PRPF8: variants seen among roughly 807,000 people sequenced by gnomAD.
PRPF8 encodes the protein pre-mRNA-processing-splicing factor 8.
PRPF8 carries 64 observed loss-of-function variants against 285.9 expected under a neutral mutation model. The ratio of observed to expected loss-of-function variants is 0.22; its 90% CI spans 0.18 to 0.28. The LOEUF is 0.28. Among genes scored for constraint, PRPF8 ranks in the 10% least tolerant of loss-of-function variants. PRPF8 has a pLI of 1.00. For synonymous variants in PRPF8, 1,325 were observed against 1,118.2 expected (o/e 1.18, Z -3.69); for missense variants, 1,426 against 3,026.7 (o/e 0.47, Z 12.41).
At position 1,662,013 on chromosome 17, in the gene PRPF8, G is replaced by A. The variant is rs543677212; in HGVS notation, c.3915C>T (p.Ser1305=). 73 of 1,614,032 alleles carry A rather than the reference G, an allele frequency of 4.5e-5. 1 individual carries two copies. In the South Asian group the frequency reaches 7.6e-4, roughly 17 times the overall value. ...IQTRIKIGLN[S]KMPSRFPPVV... is the part of the protein sequence containing the mutation. ...CCGGGGGGAACCGACTTGGCATCTTGGAGTTGAGTCCAATCTTGATACGTG... is the reference window on the plus strand; with the variant it reads ...CCGGGGGGAACCGACTTGGCATCTTAGAGTTGAGTCCAATCTTGATACGTG... The change falls in exon 25 of 43, where the codon TCC becomes TCT. Residue 1305 remains serine, a synonymous_variant. Coordinates refer to ENST00000304992, the MANE Select transcript of PRPF8 (RefSeq NM_006445.4).
At position 1,679,398 on chromosome 17, in the gene PRPF8, A is replaced by G. The variant is rs1912782331; in HGVS notation, c.1302T>C (p.His434=). ...IPLVKNWYRE[H]CPAGQPVKVR... ...CTTTCACAGGCTGCCCGGCAGGACA[A>G]TGCTCCCGATACCTGGAAAAATAAG... Residue 434 remains histidine, a synonymous_variant, in exon 10 of 43, where the codon CAT becomes CAC. Coordinates refer to ENST00000304992, the MANE Select transcript of PRPF8 (RefSeq NM_006445.4). This position sits in a 1 kb window ranked among gnomAD's most constrained non-coding sequence, Gnocchi z 4.7. 2 of 1,612,824 alleles carry G rather than the reference A, an allele frequency of 1.2e-6. No homozygotes were observed. The highest frequency in any genetic ancestry group is 1.7e-6 in the Non-Finnish European group (2 of 1,179,984).
At position 1,675,140 on chromosome 17, in the gene PRPF8, C is replaced by T. The variant is rs772565970; in HGVS notation, c.3060+12G>A. Reference sequence around the variant, plus strand: ...CCACACACAATTCCATGCTACTGCGCCTGAGACGCACCTTATAGTTGATGA... The same window carrying T: ...CCACACACAATTCCATGCTACTGCGTCTGAGACGCACCTTATAGTTGATGA... On this transcript the variant is annotated intron_variant, in intron 20 of 42. Transcript: ENST00000304992. This position sits in a 1 kb window ranked among gnomAD's most constrained non-coding sequence, Gnocchi z 6.0. 2 of 1,612,918 alleles carry T rather than the reference C, an allele frequency of 1.2e-6. No individual in the cohort carries two copies. Among genetic ancestry groups the T allele is most frequent in the Admixed American group, 1.7e-5 (1 of 60,008 alleles).
At chr17:1,655,580 G>A (rs778158947) in intron 36 of PRPF8, 37 bp from the exon 37 acceptor site, 2 of 1,533,468 alleles carry the variant, frequency 1.3e-6, no homozygotes, top group Non-Finnish European at 1.8e-6. Flanking sequence ...TAGGTCAGCT[G>A]CTTGAGGCTC....
chr17:1,684,364 G>T (rs909540542), intron 2 of PRPF8, 108 bp downstream of exon 2: 1 of 1,059,730 alleles, frequency 9.4e-7, no homozygotes, highest in Non-Finnish European at 1.5e-6. Context: ...AATAACAAGG[G>T]AGCTGACACC....
chr17:1,667,662 G>A (rs1158086914), intron 24 of PRPF8, among the ~76,000 whole-genome samples: 1 of 149,586 alleles, frequency 6.7e-6, no homozygotes, highest in Non-Finnish European at 1.5e-5. Context: ...TCCTGCTTCA[G>A]TCTCCAGAGT....
intron 6 of PRPF8, 137 bp downstream of exon 6, chr17:1,681,341 A>C: frequency 1.8e-6 from 2 of 1,109,970 alleles, no homozygotes. Context: ...TCAGCTTCCC[A>C]AAGTGCTGAG....
chr17:1,661,183 G>A lies in PRPF8; in HGVS notation c.4339-21C>T, dbSNP rs200613488. 188 of 1,614,116 alleles carry A rather than the reference G, an allele frequency of 1.2e-4. 2 individuals carry two copies. The South Asian group carries it at 1.6e-3, about 14-fold the overall frequency. On this transcript the variant is annotated intron_variant, in intron 27 of 42. Coordinates refer to ENST00000304992, the MANE Select transcript of PRPF8 (RefSeq NM_006445.4). The surrounding 1 kb of genome is among the most constrained non-coding windows in gnomAD (Gnocchi z 7.3). ...AAAACCTAGATGGCAAGGCAGGCAC[G>A]GTCAAGCTTCTGGGTGCCTATTGCC...
Position 1,679,182 on chromosome 17 carries a change from G to A in PRPF8, c.1434C>T (p.Ala478=), listed in dbSNP as rs766311612. The A allele has an allele frequency of 6.2e-6, 10 of 1,614,178 alleles. No individual in the cohort carries two copies. The Admixed American group carries it at 1.0e-4, about 16-fold the overall frequency. The change falls in exon 11 of 43, where the codon GCC becomes GCT. Residue 478 remains alanine (A), a synonymous_variant. Transcript: ENST00000304992. The surrounding 1 kb of genome is among the most constrained non-coding windows in gnomAD (Gnocchi z 4.7). ...GCTTTGTGGACTGAAAGAATTTGGT[G>A]GCTTTGAAGGAGCGGAACAAATACC... ...KKRYLFRSFK[A]TKFFQSTKLD... is the part of the protein sequence containing the mutation.
chr17:1,679,196 G>C lies in PRPF8; in HGVS notation c.1420C>G (p.Arg474Gly). 3 of 1,614,150 alleles carry C rather than the reference G, an allele frequency of 1.9e-6. No individual in the cohort carries two copies. The highest frequency in any genetic ancestry group is 2.5e-6 in the Non-Finnish European group (3 of 1,180,020). Reference protein sequence around the residue: ...PKAQKKRYLFRSFKATKFFQS... With the variant: ...PKAQKKRYLFGSFKATKFFQS... ...AAGAATTTGGTGGCTTTGAAGGAGC[G>C]GAACAAATACCTGAGGTGGGAACAT... is the stretch of plus-strand genomic sequence containing the variant. Residue 474 changes from arginine to glycine, a missense_variant, in exon 11 of 43, where the codon CGC becomes GGC. Arg to Gly is a moderately radical substitution (Grantham distance 125). Coordinates refer to ENST00000304992, the MANE Select transcript of PRPF8 (RefSeq NM_006445.4). The surrounding 1 kb of genome is among the most constrained non-coding windows in gnomAD (Gnocchi z 4.7).
At chr17:1,674,223 T>C (rs542636116) in intron 21 of PRPF8, among the ~76,000 whole-genome samples, 1 of 152,142 alleles carries the variant, frequency 6.6e-6, no homozygotes, top group Non-Finnish European at 1.5e-5. Flanking sequence ...GGGGTTTCAC[T>C]GTGTTAGCCA....
At position 1,679,522 on chromosome 17, in the gene PRPF8, T is replaced by C; in HGVS notation, c.1289+87A>G. On this transcript the variant is annotated intron_variant, in intron 9 of 42. Transcript: ENST00000304992. This position sits in a 1 kb window ranked among gnomAD's most constrained non-coding sequence, Gnocchi z 4.7. ...TTATGGGAAAAAAAAAAAAAGAATT[T>C]AAAAAAAAGGCTACATGCCCACCTA... The C allele has an allele frequency of 6.3e-7, 1 of 1,583,014 alleles. No individual in the cohort carries two copies. Among genetic ancestry groups the C allele is most frequent in the Non-Finnish European group, 8.6e-7 (1 of 1,166,078 alleles).
rs749181331 is a variant in PRPF8, at chr17:1,676,096, G to A, written c.2553-42C>T. ...GAAGGGTGAATGGGAAAACTAGGAG[G>A]AAGTAAAACCAGGAAAGACTGGGGC... On this transcript the variant is annotated intron_variant, in intron 17 of 42. Coordinates refer to ENST00000304992, the MANE Select transcript of PRPF8 (RefSeq NM_006445.4). The surrounding 1 kb of genome is among the most constrained non-coding windows in gnomAD (Gnocchi z 6.3). The A allele has an allele frequency of 8.1e-6, 13 of 1,612,368 alleles. No individual in the cohort carries two copies. The highest frequency in any genetic ancestry group is 1.1e-5 in the South Asian group (1 of 91,004).
At position 1,651,178 on chromosome 17, in the gene PRPF8, C is replaced by T. The variant is rs886052611; in HGVS notation, c.6783G>A (p.Met2261Ile). The T allele has an allele frequency of 2.5e-6, 4 of 1,614,212 alleles. No individual in the cohort carries two copies. The highest frequency in any genetic ancestry group is 3.4e-6 in the Non-Finnish European group (4 of 1,180,038). Reference sequence around the variant, plus strand: ...AGCCAAGGAAACGGTCCGACAGCAGCATCTGCACCCTCTCATAGTGTGAAG... The same window carrying T: ...AGCCAAGGAAACGGTCCGACAGCAGTATCTGCACCCTCTCATAGTGTGAAG... ...YLPSHYERVQ[M>I]LLSDRFLGFF... The change falls in exon 42 of 43, where the codon ATG becomes ATA. Residue 2261 changes from methionine to isoleucine, a missense_variant. By Grantham distance (10) the Met-to-Ile change is conservative (BLOSUM62 1). This residue lies in a region of PRPF8 where 160 missense variants were observed against 373.7 expected (regional missense o/e 0.43). Coordinates refer to ENST00000304992, the MANE Select transcript of PRPF8 (RefSeq NM_006445.4). This position sits in a 1 kb window ranked among gnomAD's most constrained non-coding sequence, Gnocchi z 5.1.
chr17:1,680,908 G>C (rs1301686493), intron 7 of PRPF8, 21 bp downstream of exon 7: 6 of 1,614,028 alleles, frequency 3.7e-6, no homozygotes, highest in African/African-American at 2.7e-5. Flanking sequence ...CTTTCCAAAT[G>C]TTGTGTTCCA....
chr17:1,672,864 C>A, intron 24 of PRPF8: 1 of 610,480 alleles, frequency 1.6e-6, no homozygotes, highest in Non-Finnish European at 2.9e-6. Context: ...ATCACAAGTC[C>A]ACAAGAAGGA....
Position 1,678,762 on chromosome 17 carries a change from C to T in PRPF8, c.1719G>A (p.Gln573=). 1.2e-6 allele frequency: 2 copies of T among 1,614,044 alleles called. No individual in the cohort carries two copies. Among genetic ancestry groups the T allele is most frequent in the Non-Finnish European group, 1.7e-6 (2 of 1,180,040 alleles). ...QYRLGNVDAF[Q]LADGLQYIFA... ...AGGGGTTGGGAATACCTAACCTTAC[C>T]TGGAAGGCATCCACATTGCCCAGCC... Residue 573 remains glutamine (Q), a splice_region_variant and synonymous_variant, in exon 12 of 43, where the codon CAG becomes CAA. Transcript: ENST00000304992.
chr17:1,679,863 G>C lies in PRPF8; in HGVS notation c.1099-64C>G. 1 of 1,576,776 alleles carries C rather than the reference G, an allele frequency of 6.3e-7. No homozygotes were observed. Among genetic ancestry groups the C allele is most frequent in the South Asian group, 1.1e-5 (1 of 90,354 alleles). On this transcript the variant is annotated intron_variant, in intron 8 of 42. Coordinates refer to ENST00000304992, the MANE Select transcript of PRPF8 (RefSeq NM_006445.4). This position sits in a 1 kb window ranked among gnomAD's most constrained non-coding sequence, Gnocchi z 4.7. ...AACTAGGCACAGACTTAAGATGAGG[G>C]AAATTCTCTGGGGCCAAGCACAAAG...
intron 24 of PRPF8, among the ~76,000 whole-genome samples, chr17:1,671,877 TA>T (rs1030727761): frequency 3.6e-5 from 5 of 140,802 alleles, no homozygotes; most frequent in African/African-American, 1.4e-4. Context: ...AAAAAAAAAT[TA>T]AAAATTAGCC....
At position 1,659,147 on chromosome 17, in the gene PRPF8, T is replaced by C; in HGVS notation, c.5138+210A>G. Reference sequence around the variant, plus strand: ...TTCAAGTAATTCTCCCACCTCAACCTTCTGAGTAGCTGGGACTACAGGCGT... The same window carrying C: ...TTCAAGTAATTCTCCCACCTCAACCCTCTGAGTAGCTGGGACTACAGGCGT... On this transcript the variant is annotated intron_variant, in intron 32 of 42. Coordinates refer to ENST00000304992, the MANE Select transcript of PRPF8 (RefSeq NM_006445.4). The surrounding 1 kb of genome is among the most constrained non-coding windows in gnomAD (Gnocchi z 5.1). 1 of 676,166 alleles carries C rather than the reference T, an allele frequency of 1.5e-6. No individual in the cohort carries two copies. The highest frequency in any genetic ancestry group is 2.6e-6 in the Non-Finnish European group (1 of 382,166). The allele number at this position is 676,166 out of a possible 1,614,324, so 41.9% of individuals were successfully genotyped here.
Sources: gnomAD v4.1 joint callset for allele counts (sites outside exome capture counted in the v4.1 genomes callset) on GRCh38, gnomAD v4.1.1 for gene constraint, gnomAD v4.1.1 regional missense constraint, Gnocchi (gnomAD v3.1) non-coding constraint, MANE v1.5 for transcripts, NCBI Gene and HGNC (gene_info 2026-07-23, HGNC 2026-07-21) for gene names.